The following MTCL1 variants were observed in gnomAD, a reference collection of about 807,000 sequenced individuals.
MTCL1 encodes the protein microtubule cross-linking factor 1.
MTCL1 carries 79 observed loss-of-function variants against 141.4 expected under a neutral mutation model. The ratio of observed to expected loss-of-function variants is 0.56; its 90% CI spans 0.47 to 0.67. MTCL1 has a LOEUF of 0.67. Ranked by LOEUF, MTCL1 falls within the 30% of genes least tolerant of loss-of-function variation. The probability of loss-of-function intolerance (pLI) is 0.00; values close to 1 mark genes in which losing one functional copy is unlikely to be tolerated. For synonymous variants in MTCL1, 914 were observed against 875.8 expected (o/e 1.04, Z -0.77); for missense variants, 2,177 against 2,113.9 (o/e 1.03, Z -0.59).
chr18:8,825,956 C>T, exon 15 of MTCL1: 1 of 1,598,380 alleles, frequency 6.3e-7, no homozygotes, highest in South Asian at 1.1e-5. Context: ...TGGGCCCAGG[C>T]CAGGAAACAG....
chr18:8,706,634 C>G (rs1179553932), exon 1 of MTCL1: 1 of 1,546,280 alleles, frequency 6.5e-7, no homozygotes, highest in East Asian at 2.5e-5. Flanking sequence ...GGCGAGCAGT[C>G]TCGGCTCGTG....
At chr18:8,771,869 C>T (rs549836339) in intron 4 of MTCL1, among the ~76,000 whole-genome samples, 7 of 152,356 alleles carry the variant, frequency 4.6e-5, no homozygotes, top group African/African-American at 1.7e-4. Flanking sequence ...AAAGCCCCCA[C>T]TGGGGGGGTT....
chr18:8,771,992 C>T (rs550255137), intron 4 of MTCL1, among the ~76,000 whole-genome samples: 31 of 152,360 alleles, frequency 2.0e-4, no homozygotes, highest in Middle Eastern at 3.4e-3. Context: ...CTAATGTACA[C>T]GCAAATTGTC....
At position 8,720,330 on chromosome 18, in the gene MTCL1, C is replaced by T. The variant is rs373311152; in HGVS notation, c.199-8C>T. On this transcript the variant is annotated splice_region_variant and splice_polypyrimidine_tract_variant and intron_variant, in intron 3 of 16. Transcript: ENST00000359865. ...TATCCTGATAATGATCTCTGTGGGTCGATGCAGGTAGCCAAAGATGTATCT... is the reference window on the plus strand; with the variant it reads ...TATCCTGATAATGATCTCTGTGGGTTGATGCAGGTAGCCAAAGATGTATCT... 6 of 1,613,554 alleles carry T rather than the reference C, an allele frequency of 3.7e-6. No individual in the cohort carries two copies. The highest frequency in any genetic ancestry group is 2.2e-5 in the South Asian group (2 of 90,996).
At chr18:8,827,626 G>C (rs117576302) in intron 15 of MTCL1, among the ~76,000 whole-genome samples, 5 of 152,172 alleles carry the variant, frequency 3.3e-5, no homozygotes, top group Admixed American at 6.5e-5. Context: ...TCCTCCTGCC[G>C]TGGAACGGTC....
chr18:8,815,322 G>A (rs7229581), intron 12 of MTCL1, among the ~76,000 whole-genome samples: 97,829 of 151,074 alleles, frequency 0.65, 32,016 homozygotes, highest in Non-Finnish European at 0.68. Context: ...GTCCTTTGTA[G>A]GGACATGGAT....
intron 8 of MTCL1, among the ~76,000 whole-genome samples, chr18:8,793,368 C>T (rs2075804250): frequency 6.6e-6 from 1 of 151,854 alleles, no homozygotes; most frequent in Non-Finnish European, 1.5e-5. Context: ...CTTCCTCATA[C>T]CTAATCTAAA....
At chr18:8,783,099 A>C (rs1401528633) in intron 5 of MTCL1, among the ~76,000 whole-genome samples, 1 of 152,176 alleles carries the variant, frequency 6.6e-6, no homozygotes, top group Non-Finnish European at 1.5e-5. Flanking sequence ...GTCTGCCTGC[A>C]CCAGGCCTTG....
At chr18:8,783,422 T>G in intron 5 of MTCL1, 108 bp from the exon 5 acceptor site, 11 of 979,066 alleles carry the variant, frequency 1.1e-5, no homozygotes, top group Non-Finnish European at 1.5e-5. Context: ...GGAAGATCGG[T>G]GTTTGATGTT....
exon 6 of MTCL1, chr18:8,784,660 C>G: frequency 6.2e-7 from 1 of 1,614,086 alleles, no homozygotes; most frequent in Non-Finnish European, 8.5e-7. Flanking sequence ...GGACCATCAA[C>G]GCCAAGATGA....
intron 7 of MTCL1, among the ~76,000 whole-genome samples, chr18:8,790,035 G>C (rs1008251343): frequency 5.9e-5 from 9 of 152,200 alleles, no homozygotes; most frequent in African/African-American, 1.7e-4. Flanking sequence ...TGATAATCAG[G>C]AGGATCTAAA....
chr18:8,785,842 CCT>C, intron 6 of MTCL1, 92 bp from the exon 6 acceptor site: 1 of 1,464,240 alleles, frequency 6.8e-7, no homozygotes, highest in Non-Finnish European at 9.1e-7. Context: ...CTTTATCCCC[CCT>C]CCCTGCCTCC....
At chr18:8,815,011 T>G (rs1335589459) in intron 12 of MTCL1, among the ~76,000 whole-genome samples, 1 of 152,310 alleles carries the variant, frequency 6.6e-6, no homozygotes, top group South Asian at 2.1e-4. Flanking sequence ...GGAACACTTT[T>G]ACACTGTTGG....
chr18:8,819,142 G>T (rs374052746), exon 13 of MTCL1: 119 of 1,614,130 alleles, frequency 7.4e-5, no homozygotes, highest in Non-Finnish European at 9.6e-5. Flanking sequence ...AGCTGAAGGA[G>T]TCGGACAGGT....
At chr18:8,740,930 G>A (rs892908120) in intron 4 of MTCL1, among the ~76,000 whole-genome samples, 12 of 152,200 alleles carry the variant, frequency 7.9e-5, no homozygotes, top group African/African-American at 2.9e-4. Context: ...TACATTTGTT[G>A]AGTTGAGTTG....
chr18:8,831,799 G>A (rs1159362466), exon 17 of MTCL1: 2 of 1,550,088 alleles, frequency 1.3e-6, no homozygotes, highest in Non-Finnish European at 1.7e-6. Context: ...GCCACACCGA[G>A]ATGCAAGCTT....
At chr18:8,718,244 T>C (rs2096143004) in intron 2 of MTCL1, among the ~76,000 whole-genome samples, 180 bp from the exon 2 acceptor site, 1 of 152,220 alleles carries the variant, frequency 6.6e-6, no homozygotes, top group South Asian at 2.1e-4. Context: ...TACTCAATTA[T>C]ATTATCTCAT....
chr18:8,829,303 C>T, intron 16 of MTCL1: 1 of 985,386 alleles, frequency 1.0e-6, no homozygotes, highest in South Asian at 4.7e-5. Flanking sequence ...AGGGGTCTTG[C>T]CTGAGGGGGT....
intron 1 of MTCL1, among the ~76,000 whole-genome samples, chr18:8,709,807 GCTTTTA>G (rs985840989): frequency 1.3e-5 from 2 of 152,116 alleles, no homozygotes; most frequent in Admixed American, 1.3e-4. Context: ...AATTATCTTG[GCTTTTA>G]GCCAGGCTGC....
Sources: gnomAD v4.1 joint callset for allele counts (sites outside exome capture counted in the v4.1 genomes callset) on GRCh38, gnomAD v4.1.1 for gene constraint, MANE v1.5 for transcripts, NCBI Gene and HGNC (gene_info 2026-07-23, HGNC 2026-07-21) for gene names.